Variants in PRICKLE1 observed in about 807,000 individuals in gnomAD.
The protein encoded by PRICKLE1 is prickle planar cell polarity protein 1, also known as prickle-like protein 1.
Under a neutral mutation model 70.2 loss-of-function variants are expected in PRICKLE1, and 14 were observed. The ratio of observed to expected loss-of-function variants is 0.20; its 90% CI spans 0.13 to 0.31. PRICKLE1 has a LOEUF of 0.31. Ranked by LOEUF, PRICKLE1 falls within the 10% of genes least tolerant of loss-of-function variation. The pLI is 1.00. For missense variants in PRICKLE1, 821 were observed against 1,026.2 expected (o/e 0.80, Z 2.73); for synonymous variants, 357 against 379.9 (o/e 0.94, Z 0.70).
intron 1 of PRICKLE1, among the ~76,000 whole-genome samples, chr12:42,505,708 T>A (rs1939396213): frequency 6.6e-6 from 1 of 152,174 alleles, no homozygotes; most frequent in African/African-American, 2.4e-5. Context: ...AATACTGGGA[T>A]TACAGGTGTA....
chr12:42,526,776 G>A (rs1338246508), intron 1 of PRICKLE1, among the ~76,000 whole-genome samples: 1 of 151,340 alleles, frequency 6.6e-6, no homozygotes, highest in Non-Finnish European at 1.5e-5. Context: ...AAAATGCTTA[G>A]AGGAGTGCTG....
At chr12:42,567,737 G>A (rs1165634377) in intron 1 of PRICKLE1, among the ~76,000 whole-genome samples, 1 of 142,246 alleles carries the variant, frequency 7.0e-6, no homozygotes, top group African/African-American at 2.7e-5. Context: ...TGAGGCAGGA[G>A]AATAGCTTGA....
intron 1 of PRICKLE1, among the ~76,000 whole-genome samples, chr12:42,479,193 T>C (rs1161846702): frequency 6.6e-6 from 1 of 152,248 alleles, no homozygotes; most frequent in South Asian, 2.1e-4. Context: ...CAGACTTTCT[T>C]GAAGCTAACC....
intron 7 of PRICKLE1, among the ~76,000 whole-genome samples, chr12:42,462,877 T>C (rs1242543058): frequency 6.6e-6 from 1 of 152,258 alleles, no homozygotes; most frequent in Non-Finnish European, 1.5e-5. Context: ...AGGCCTAATC[T>C]TGCCTTTAGA....
intron 1 of PRICKLE1, among the ~76,000 whole-genome samples, chr12:42,519,437 C>T (rs1277912057): frequency 7.9e-5 from 12 of 151,974 alleles, no homozygotes; most frequent in Non-Finnish European, 1.2e-4. Context: ...CTCAGGGGAT[C>T]CATGCGCCTC....
At chr12:42,561,941 T>C (rs1451553538) in intron 1 of PRICKLE1, among the ~76,000 whole-genome samples, 1 of 150,776 alleles carries the variant, frequency 6.6e-6, no homozygotes, top group Non-Finnish European at 1.5e-5. Flanking sequence ...AGACAGAGTT[T>C]TGCTCTGTTG....
chr12:42,483,843 G>C (rs2140160486), intron 1 of PRICKLE1: 1 of 151,318 alleles, frequency 6.6e-6, no homozygotes, highest in East Asian at 2.0e-4. Context: ...CGGCGTGACG[G>C]ACTCTGCTCC....
chr12:42,576,761 T>C (rs796994988), intron 1 of PRICKLE1, among the ~76,000 whole-genome samples: 6 of 152,204 alleles, frequency 3.9e-5, no homozygotes, highest in Admixed American at 2.0e-4. Flanking sequence ...TGGCTGCTTA[T>C]AACTTTGGGT....
At chr12:42,572,326 C>A (rs1416104416) in intron 1 of PRICKLE1, among the ~76,000 whole-genome samples, 1 of 151,842 alleles carries the variant, frequency 6.6e-6, no homozygotes, top group South Asian at 2.1e-4. Flanking sequence ...ATCCCAGCTA[C>A]TTGGGAGGCT....
At chr12:42,524,424 T>A (rs929959776) in intron 1 of PRICKLE1, among the ~76,000 whole-genome samples, 1 of 152,186 alleles carries the variant, frequency 6.6e-6, no homozygotes, top group Non-Finnish European at 1.5e-5. Flanking sequence ...TTATTTTATT[T>A]TATTTTTGAG....
chr12:42,573,030 A>C (rs920957661), intron 1 of PRICKLE1, among the ~76,000 whole-genome samples: 1 of 151,988 alleles, frequency 6.6e-6, no homozygotes, highest in East Asian at 1.9e-4. Flanking sequence ...ATTTTTTTTT[A>C]AATCAGTTAA....
chr12:42,478,051 C>T (rs1938639821), intron 1 of PRICKLE1, among the ~76,000 whole-genome samples: 1 of 151,742 alleles, frequency 6.6e-6, no homozygotes, highest in Non-Finnish European at 1.5e-5. Flanking sequence ...ATCCCTTACC[C>T]AGACTCATCA....
At chr12:42,548,785 G>T (rs1176473721) in intron 1 of PRICKLE1, among the ~76,000 whole-genome samples, 1 of 152,108 alleles carries the variant, frequency 6.6e-6, no homozygotes, top group African/African-American at 2.4e-5. Context: ...TGATGACAAG[G>T]ATGCAAATAT....
rs1005775824 is a variant in PRICKLE1 at position 42,472,185 on chromosome 12, G to A, written c.132+200C>T. On this transcript the variant is annotated intron_variant, in intron 2 of 7. Coordinates refer to ENST00000345127, the MANE Select transcript of PRICKLE1 (RefSeq NM_153026.3). The stretch of plus-strand genomic sequence containing the variant: ...ATGAGGCTTCTGGAACCATGGGTAC[G>A]ACGAGATTGGAAACTTCCATTGAGA... 2.0e-5 allele frequency among the ~76,000 whole-genome samples: 3 copies of A among 152,148 alleles called. No individual in the cohort carries two copies. The East Asian group carries it at 5.8e-4, about 29-fold the overall frequency.
chr12:42,488,831 A>G (rs1399771264), intron 1 of PRICKLE1, among the ~76,000 whole-genome samples: 1 of 152,100 alleles, frequency 6.6e-6, no homozygotes, highest in Non-Finnish European at 1.5e-5. Flanking sequence ...AGGGCAGATT[A>G]TAGGAAATTA....
At chr12:42,563,992 T>C (rs1309183234) in intron 1 of PRICKLE1, among the ~76,000 whole-genome samples, 2 of 150,508 alleles carry the variant, frequency 1.3e-5, no homozygotes, top group African/African-American at 2.4e-5. Flanking sequence ...AGTGCAGTGG[T>C]TCACGCTTGT....
rs143812166 is a variant in PRICKLE1 at position 42,530,228 on chromosome 12, G to A, written c.-48-57664C>T. On this transcript the variant is annotated intron_variant, in intron 1 of 7. Transcript: ENST00000345127. ...CAAGGTGCTGGGATTACAGGCATAAGCCACTGCGCCCGGCCTATAAGGAAG... is the reference window on the plus strand; with the variant it reads ...CAAGGTGCTGGGATTACAGGCATAAACCACTGCGCCCGGCCTATAAGGAAG... Among the ~76,000 whole-genome samples, 997 of 152,222 alleles carry A rather than the reference G, an allele frequency of 6.5e-3. 8 individuals are homozygous for A. Among genetic ancestry groups the A allele is most frequent in the Middle Eastern group, 0.01 (3 of 294 alleles).
intron 1 of PRICKLE1, among the ~76,000 whole-genome samples, chr12:42,543,406 C>G (rs1769782623): frequency 6.6e-6 from 1 of 151,424 alleles, no homozygotes; most frequent in Admixed American, 6.6e-5. Context: ...CTATGTTGCC[C>G]AGGCTGCACT....
chr12:42,560,768 TCACA>T (rs71084672), intron 1 of PRICKLE1, among the ~76,000 whole-genome samples: 20,189 of 127,040 alleles, frequency 0.16, 1,607 homozygotes, highest in Admixed American at 0.2. Context: ...GCCCATCTTC[TCACA>T]CACACACACA....
Sources: allele counts gnomAD v4.1 joint callset (sites outside exome capture counted in the v4.1 genomes callset), GRCh38; gene constraint gnomAD v4.1.1; transcripts MANE v1.5; gene names NCBI Gene and HGNC (gene_info 2026-07-23, HGNC 2026-07-21).